The following BRINP3 variants were observed in gnomAD, a reference collection of about 807,000 sequenced individuals.
The protein encoded by BRINP3 is BMP/retinoic acid inducible neural specific 3.
A neutral mutation model predicts 71.0 loss-of-function variants in BRINP3; 19 were observed. The observed-to-expected ratio is 0.27, with a 90% CI of 0.19 to 0.39. The LOEUF is 0.39. Among genes scored for constraint, BRINP3 ranks in the 10% least tolerant of loss-of-function variants. The probability of loss-of-function intolerance (pLI) is 1.00; values close to 1 mark genes in which losing one functional copy is unlikely to be tolerated. For synonymous variants in BRINP3, 380 were observed against 337.7 expected (o/e 1.13, Z -1.37); for missense variants, 959 against 940.8 (o/e 1.02, Z -0.25).
At chr1:190,392,593 T>C (rs1425137167) in intron 2 of BRINP3, among the ~76,000 whole-genome samples, 1 of 151,652 alleles carries the variant, frequency 6.6e-6, no homozygotes, top group Non-Finnish European at 1.5e-5. Flanking sequence ...TCCTTTCCAA[T>C]ATAAAAGTTA....
chr1:190,372,746 A>C (rs1669942935), intron 2 of BRINP3, among the ~76,000 whole-genome samples: 1 of 152,210 alleles, frequency 6.6e-6, no homozygotes, highest in Non-Finnish European at 1.5e-5. Flanking sequence ...ACTAAAACAG[A>C]CAGTTGTAAA....
chr1:190,354,817 T>A (rs1668627234), intron 2 of BRINP3, among the ~76,000 whole-genome samples: 1 of 151,564 alleles, frequency 6.6e-6, no homozygotes, highest in Admixed American at 6.6e-5. Context: ...CTTTCATCCA[T>A]TTTTGTACAG....
intron 2 of BRINP3, among the ~76,000 whole-genome samples, chr1:190,416,552 A>C (rs1673014588): frequency 6.6e-6 from 1 of 152,168 alleles, no homozygotes; most frequent in Non-Finnish European, 1.5e-5. Context: ...CATAGCATGA[A>C]AGGCTTTTAT....
Position 190,476,263 on chromosome 1 carries a change from A to AAG in BRINP3, c.-51+1184_-51+1185insCT, listed in dbSNP as rs1261033650. Among the ~76,000 whole-genome samples the AAG allele has an allele frequency of 1.6e-3, 242 of 151,460 alleles. 1 individual carries two copies. Among genetic ancestry groups the AAG allele is most frequent in the Non-Finnish European group, 2.9e-3 (195 of 67,804 alleles). On this transcript the variant is annotated intron_variant, in intron 1 of 7. Coordinates refer to ENST00000367462, the MANE Select transcript of BRINP3 (RefSeq NM_199051.3). ...ATTTCCCAGAAATTAAAAAAAAAAAAAAGGAAAAGAAAAGCGTGAACAATA... is the reference window on the plus strand; with the variant it reads ...ATTTCCCAGAAATTAAAAAAAAAAAAAGAAGGAAAAGAAAAGCGTGAACAATA...
intron 7 of BRINP3, among the ~76,000 whole-genome samples, chr1:190,148,998 A>C (rs1656157428): frequency 6.6e-6 from 1 of 152,232 alleles, no homozygotes; most frequent in Non-Finnish European, 1.5e-5. Context: ...TGCCACCAGT[A>C]GTTGAGTAAT....
chr1:190,342,147 T>C (rs1476647800), intron 2 of BRINP3, among the ~76,000 whole-genome samples: 2 of 151,690 alleles, frequency 1.3e-5, no homozygotes, highest in Non-Finnish European at 3.0e-5. Flanking sequence ...GTCTTCTGCC[T>C]CCCATTTCTA....
At chr1:190,427,749 T>C (rs1413457914) in intron 2 of BRINP3, among the ~76,000 whole-genome samples, 1 of 152,060 alleles carries the variant, frequency 6.6e-6, no homozygotes, top group Non-Finnish European at 1.5e-5. Flanking sequence ...TTTTAACTTT[T>C]ATTTTAAGTT....
intron 2 of BRINP3, among the ~76,000 whole-genome samples, chr1:190,361,098 T>C (rs748762016): frequency 4.0e-5 from 6 of 151,814 alleles, no homozygotes; most frequent in Non-Finnish European, 8.8e-5. Flanking sequence ...AGTGAGCAGA[T>C]ACATTTGACT....
At chr1:190,336,045 T>C (rs771880005) in intron 2 of BRINP3, among the ~76,000 whole-genome samples, 2 of 152,026 alleles carry the variant, frequency 1.3e-5, no homozygotes, top group South Asian at 2.1e-4. Flanking sequence ...TACCATGTGA[T>C]ATATATTAAG....
intron 7 of BRINP3, among the ~76,000 whole-genome samples, chr1:190,159,590 T>C (rs1422352897): frequency 6.6e-6 from 1 of 152,052 alleles, no homozygotes; most frequent in Non-Finnish European, 1.5e-5. Context: ...GGCCATATAT[T>C]GTACGATCCC....
intron 2 of BRINP3, among the ~76,000 whole-genome samples, chr1:190,347,172 T>G (rs1260849845): frequency 6.6e-6 from 1 of 152,110 alleles, no homozygotes; most frequent in Non-Finnish European, 1.5e-5. Flanking sequence ...GACGGAGTCT[T>G]GCTCTGTTGC....
At chr1:190,322,970 G>A (rs771777729) in intron 2 of BRINP3, among the ~76,000 whole-genome samples, 9 of 151,902 alleles carry the variant, frequency 5.9e-5, no homozygotes, top group Non-Finnish European at 1.0e-4. Flanking sequence ...CATTCAAAGC[G>A]CAGAAGGATT....
Position 190,454,842 on chromosome 1 carries a change from G to A in BRINP3, c.49C>T (p.Leu17=). The A allele has an allele frequency of 6.2e-7, 1 of 1,614,116 alleles. No homozygotes were observed. The highest frequency in any genetic ancestry group is 8.5e-7 in the Non-Finnish European group (1 of 1,180,032). ...AGAELFSLMA[L]WEWIALSLHC... Reference sequence around the variant, plus strand: ...AGACTCAGTGCTATCCACTCCCATAGAGCCATCAGAGAGAACAATTCAGCA... The same window carrying A: ...AGACTCAGTGCTATCCACTCCCATAAAGCCATCAGAGAGAACAATTCAGCA... Residue 17 remains leucine (L), a synonymous_variant, in exon 2 of 8, where the codon CTA becomes TTA. Transcript: ENST00000367462.
In BRINP3 at chr1:190,137,264, AAG is replaced by A. The variant is rs1413720544; in HGVS notation, c.1184+23402_1184+23403del. Among the ~76,000 whole-genome samples, 2 of 152,116 alleles carry A rather than the reference AAG, an allele frequency of 1.3e-5. 1 individual carries two copies. The highest frequency in any genetic ancestry group is 2.9e-5 in the Non-Finnish European group (2 of 68,014). On this transcript the variant is annotated intron_variant, in intron 7 of 7. Transcript: ENST00000367462. Reference sequence around the variant, plus strand: ...GTGAGCTATGAAGAATTATAGATGAAAGAGAGCAAATAAGGATGCCAGTTTAT... The same window carrying A: ...GTGAGCTATGAAGAATTATAGATGAAAGAGCAAATAAGGATGCCAGTTTAT...
At chr1:190,154,119 A>T (rs1445880717) in intron 7 of BRINP3, 1 of 918,372 alleles carries the variant, frequency 1.1e-6, no homozygotes, top group East Asian at 1.2e-4. Context: ...GCTAGGGGAA[A>T]GAGATAAAAA....
chr1:190,228,607 C>T (rs1657629930), intron 5 of BRINP3, among the ~76,000 whole-genome samples: 1 of 151,952 alleles, frequency 6.6e-6, no homozygotes, highest in South Asian at 2.1e-4. Context: ...AAGAAGGAAA[C>T]TCACATTCTG....
chr1:190,325,109 A>C lies in BRINP3; in HGVS notation c.237-43359T>G, dbSNP rs548638855. 2.0e-5 allele frequency among the ~76,000 whole-genome samples: 3 copies of C among 152,092 alleles called. No homozygotes were observed. The East Asian group carries it at 5.8e-4, about 29-fold the overall frequency. On this transcript the variant is annotated intron_variant, in intron 2 of 7. Transcript: ENST00000367462. Reference sequence around the variant, plus strand: ...AGACAGTTACAAACAGCCAGCATTGAAGGTTGAAAGACTGATACCCAGAAA... The same window carrying C: ...AGACAGTTACAAACAGCCAGCATTGCAGGTTGAAAGACTGATACCCAGAAA...
At chr1:190,385,292 CA>C (rs1422123988) in intron 2 of BRINP3, among the ~76,000 whole-genome samples, 1 of 152,092 alleles carries the variant, frequency 6.6e-6, no homozygotes, top group African/African-American at 2.4e-5. Flanking sequence ...AGTGAACAGA[CA>C]GCCTACAAAA....
intron 7 of BRINP3, among the ~76,000 whole-genome samples, chr1:190,145,407 A>G (rs529323088): frequency 1.3e-5 from 2 of 152,304 alleles, no homozygotes; most frequent in East Asian, 3.9e-4. Flanking sequence ...TCTAGAATTC[A>G]CTGTGTTCTC....
Sources: gnomAD v4.1 joint callset for allele counts (sites outside exome capture counted in the v4.1 genomes callset) on GRCh38, gnomAD v4.1.1 for gene constraint, MANE v1.5 for transcripts, NCBI Gene and HGNC (gene_info 2026-07-23, HGNC 2026-07-21) for gene names.